Variants in MKKS observed in about 807,000 individuals in gnomAD.
MKKS encodes molecular chaperone MKKS.
Under a neutral mutation model 33.2 loss-of-function variants are expected in MKKS, and 29 were observed. The ratio of observed to expected loss-of-function variants is 0.87; its 90% confidence interval spans 0.65 to 1.19. The LOEUF (loss-of-function observed/expected upper bound fraction) is 1.19. Among genes scored for constraint, MKKS ranks in the 50% most tolerant of loss-of-function variants. MKKS has a pLI of 0.00. For missense variants in MKKS, 661 were observed against 662.3 expected (o/e 1.00, Z 0.02); for synonymous variants, 260 against 244.0 (o/e 1.07, Z -0.61).
At position 10,427,029 on chromosome 20, in the gene MKKS, G is replaced by GACACACACACAGACACACAC. The variant is rs1226255722; in HGVS notation, c.-648-6272_-648-6271insGTGTGTGTCTGTGTGTGTGT. On this transcript the variant is annotated intron_variant, in intron 1 of 5. Coordinates refer to ENST00000347364, the MANE Select transcript of MKKS (RefSeq NM_170784.3). ...TTAAAGGCCAAGAAAAGAAAACACT[G>GACACACACACAGACACACAC]ACACACACACACACACACACACACA... is the stretch of plus-strand genomic sequence containing the variant. Among the ~76,000 whole-genome samples, 776 of 130,754 alleles carry GACACACACACAGACACACAC rather than the reference G, an allele frequency of 5.9e-3. 9 individuals carry two copies. Among genetic ancestry groups the GACACACACACAGACACACAC allele is most frequent in the Middle Eastern group, 0.013 (3 of 236 alleles). 85.8% of individuals were successfully genotyped at this position (130,754 alleles called of 152,430 possible). A position where few individuals can be genotyped will look rare whatever the true frequency, so the allele number is the denominator to read the frequency against.
At position 10,405,238 on chromosome 20, in the gene MKKS, G is replaced by T; in HGVS notation, c.*9C>A. On this transcript the variant is annotated 3_prime_UTR_variant, in exon 6 of 6. Transcript: ENST00000347364. ...TTTGTTTCTCTTGTAATACGAACAT[G>T]CTATTCTCTTAGTTTTTATCTTCAA... The T allele has an allele frequency of 6.3e-7, 1 of 1,597,472 alleles. No individual in the cohort carries two copies. The highest frequency in any genetic ancestry group is 8.6e-7 in the Non-Finnish European group (1 of 1,168,628).
chr20:10,427,600 ACAGCAGTTTGAATTGT>A (rs1310562763), intron 1 of MKKS, among the ~76,000 whole-genome samples: 1 of 152,232 alleles, frequency 6.6e-6, no homozygotes, highest in Non-Finnish European at 1.5e-5. Context: ...AATTTTTAAT[ACAGCAGTTTGAATTGT>A]GGCATTTTTT....
rs1258340171 is a variant in MKKS, at chr20:10,403,239, C to T, written c.*2008G>A. On this transcript the variant is annotated 3_prime_UTR_variant, in exon 6 of 6. Transcript: ENST00000347364. ...TCAAGAGACAAACTCATCTTTTTAC[C>T]ACCAAATATCAGAAGTGATATCCTG... The T allele has an allele frequency of 1.3e-5, 2 of 152,188 alleles. No individual in the cohort carries two copies. Among genetic ancestry groups the T allele is most frequent in the Admixed American group, 6.5e-5 (1 of 15,274 alleles). The allele number at this position is 152,188 out of a possible 1,614,324, so 9.4% of individuals were successfully genotyped here.
intron 3 of MKKS, among the ~76,000 whole-genome samples, chr20:10,411,599 G>T (rs1488822565): frequency 1.3e-5 from 2 of 152,142 alleles, no homozygotes; most frequent in Non-Finnish European, 2.9e-5. Context: ...TCTTACCAAG[G>T]TAGGGCAATA....
chr20:10,413,303 T>A lies in MKKS; in HGVS notation c.212A>T (p.His71Leu). ...SALLSHLLVT[H>L]PILKILTASI... ...GGCTGTCAGGATCTTTAAAATGGGA[T>A]GTGTGACCAAAAGGTGACTGAGCAG... The change falls in exon 3 of 6, where the codon CAT becomes CTT. Residue 71 changes from histidine to leucine, a missense_variant. Transcript: ENST00000347364. The A allele has an allele frequency of 1.9e-6, 3 of 1,614,222 alleles. No individual in the cohort carries two copies. The highest frequency in any genetic ancestry group is 2.2e-5 in the South Asian group (2 of 91,090).
intron 2 of MKKS, among the ~76,000 whole-genome samples, chr20:10,416,114 G>A (rs1442663205): frequency 6.6e-6 from 1 of 152,150 alleles, no homozygotes; most frequent in East Asian, 1.9e-4. Flanking sequence ...TAGACGAATG[G>A]TCCTGACTAT....
At chr20:10,415,023 A>G (rs975000104) in intron 2 of MKKS, among the ~76,000 whole-genome samples, 3 of 152,216 alleles carry the variant, frequency 2.0e-5, no homozygotes, top group African/African-American at 4.8e-5. Context: ...CAAAGTCTAA[A>G]TACCATAAAA....
rs751549537 is a variant in MKKS, at chr20:10,408,702, G to A, written c.1087C>T (p.Leu363Phe). ...AKFGSKHFFH[L>F]IPNEATICSL... Reference sequence around the variant, plus strand: ...CAGATTGTTGCTTCATTAGGAATAAGATGAAAAAAATGTTTGGAGCCAAAT... The same window carrying A: ...CAGATTGTTGCTTCATTAGGAATAAAATGAAAAAAATGTTTGGAGCCAAAT... The change falls in exon 4 of 6, where the codon CTT becomes TTT. Residue 363 changes from leucine to phenylalanine, a missense_variant. Coordinates refer to ENST00000347364, the MANE Select transcript of MKKS (RefSeq NM_170784.3). 1.2e-6 allele frequency: 2 copies of A among 1,613,922 alleles called. No homozygotes were observed. The highest frequency in any genetic ancestry group is 2.7e-5 in the African/African-American group (2 of 75,010).
intron 2 of MKKS, among the ~76,000 whole-genome samples, chr20:10,414,651 T>G (rs1211364741): frequency 6.6e-6 from 1 of 152,228 alleles, no homozygotes; most frequent in Non-Finnish European, 1.5e-5. Context: ...AATTGTGGTT[T>G]GCTTGGAAAC....
intron 1 of MKKS, among the ~76,000 whole-genome samples, chr20:10,429,325 C>T (rs1421488388): frequency 6.6e-6 from 1 of 152,168 alleles, no homozygotes; most frequent in African/African-American, 2.4e-5. Context: ...TAATAGCCTG[C>T]TGGTTTCCAT....
In MKKS at chr20:10,413,428, C is replaced by T; in HGVS notation, c.87G>A (p.Leu29=). The change falls in exon 3 of 6, where the codon TTG becomes TTA. Residue 29 remains leucine, a synonymous_variant. Transcript: ENST00000347364. Reference sequence around the variant, plus strand: ...CATAGCATGATGTTACAATTCTTTTCAAGACAGAAAGTGTGGTCCTGACTC... The same window carrying T: ...CATAGCATGATGTTACAATTCTTTTTAAGACAGAAAGTGTGGTCCTGACTC... ...TERVRTTLSV[L]KRIVTSCYGP... 1.2e-6 allele frequency: 2 copies of T among 1,613,462 alleles called. No individual in the cohort carries two copies. Among genetic ancestry groups the T allele is most frequent in the Middle Eastern group, 1.7e-4 (1 of 6,060 alleles).
At chr20:10,423,348 G>A (rs1385655419) in intron 1 of MKKS, among the ~76,000 whole-genome samples, 1 of 152,098 alleles carries the variant, frequency 6.6e-6, no homozygotes, top group Non-Finnish European at 1.5e-5. Context: ...TTGGACCTTG[G>A]GAGGCTGAGG....
At chr20:10,406,516 G>C (rs770414796) in intron 5 of MKKS, among the ~76,000 whole-genome samples, 4 of 152,162 alleles carry the variant, frequency 2.6e-5, no homozygotes, top group African/African-American at 9.7e-5. Context: ...ATACCACATA[G>C]CTTAGGAGTG....
At position 10,413,100 on chromosome 20, in the gene MKKS, G is replaced by T. The variant is rs142394051; in HGVS notation, c.415C>A (p.Arg139=). 1.2e-6 allele frequency: 2 copies of T among 1,613,794 alleles called. No homozygotes were observed. Among genetic ancestry groups the T allele is most frequent in the Non-Finnish European group, 1.7e-6 (2 of 1,180,022 alleles). Residue 139 remains arginine, a synonymous_variant, in exon 3 of 6, where the codon CGA becomes AGA. Transcript: ENST00000347364. ...GTACTACTAAAGTCCACTGGGATTCGACAACCACAGGTCTCAGACTTGAGA... is the reference window on the plus strand; with the variant it reads ...GTACTACTAAAGTCCACTGGGATTCTACAACCACAGGTCTCAGACTTGAGA... The part of the protein sequence containing the change: ...SYLKSETCGC[R]IPVDFSSTQI...
Position 10,403,380 on chromosome 20 carries a change from A to G in MKKS, c.*1867T>C, listed in dbSNP as rs2064820924. The G allele has an allele frequency of 5.3e-5, 8 of 152,148 alleles. No homozygotes were observed. Among genetic ancestry groups the G allele is most frequent in the Admixed American group, 5.2e-4 (8 of 15,270 alleles). 9.4% of individuals were successfully genotyped at this position (152,148 alleles called of 1,614,324 possible). ...AACCATCTTAGAGGCTGCCTACCAC[A>G]TGCAAAATACGTCCCCCCTACTCCT... On this transcript the variant is annotated 3_prime_UTR_variant, in exon 6 of 6. Coordinates refer to ENST00000347364, the MANE Select transcript of MKKS (RefSeq NM_170784.3).
chr20:10,409,869 G>C (rs373743653), intron 3 of MKKS, among the ~76,000 whole-genome samples: 2 of 150,448 alleles, frequency 1.3e-5, no homozygotes, highest in East Asian at 4.0e-4. Context: ...TGCTTGGGAG[G>C]CTGAGGCAGG....
chr20:10,408,712 A>C lies in MKKS; in HGVS notation c.1077T>G (p.His359Gln), dbSNP rs781026146. The change falls in exon 4 of 6, where the codon CAT (histidine) becomes CAG (glutamine). Residue 359 changes from histidine to glutamine, a missense_variant. By Grantham distance (24) the His-to-Gln change is conservative. Coordinates refer to ENST00000347364, the MANE Select transcript of MKKS (RefSeq NM_170784.3). Reference sequence around the variant, plus strand: ...CTTCATTAGGAATAAGATGAAAAAAATGTTTGGAGCCAAATTTTGCAGTGC... The same window carrying C: ...CTTCATTAGGAATAAGATGAAAAAACTGTTTGGAGCCAAATTTTGCAGTGC... ...DVCTAKFGSK[H>Q]FFHLIPNEAT... The C allele has an allele frequency of 2.3e-5, 37 of 1,613,988 alleles. No homozygotes were observed. Among genetic ancestry groups the C allele is most frequent in the Non-Finnish European group, 3.1e-5 (36 of 1,179,998 alleles).
intron 1 of MKKS, among the ~76,000 whole-genome samples, chr20:10,422,005 C>T (rs954989998): frequency 1.3e-5 from 2 of 152,012 alleles, no homozygotes; most frequent in African/African-American, 4.8e-5. Context: ...TTATTTTTGT[C>T]TAAATGCCAT....
chr20:10,412,639 C>A lies in MKKS; in HGVS notation c.876G>T (p.Leu292=). ...QLISDHVDLV[L]CQKVIHPSLK... is the part of the protein sequence containing the mutation. ...AAGATGGATGTATAACTTTTTGGCA[C>A]AGGACAAGATCTACGTGGTCACTGA... Residue 292 remains leucine (L), a synonymous_variant, in exon 3 of 6, where the codon CTG becomes CTT. Coordinates refer to ENST00000347364, the MANE Select transcript of MKKS (RefSeq NM_170784.3). 1.9e-6 allele frequency: 3 copies of A among 1,614,148 alleles called. No individual in the cohort carries two copies. Among genetic ancestry groups the A allele is most frequent in the Admixed American group, 1.7e-5 (1 of 60,018 alleles).
Sources: gnomAD v4.1 joint callset for allele counts (sites outside exome capture counted in the v4.1 genomes callset) on GRCh38, gnomAD v4.1.1 for gene constraint, MANE v1.5 for transcripts, NCBI Gene and HGNC (gene_info 2026-07-23, HGNC 2026-07-21) for gene names.